RBFOX1: variants seen among roughly 807,000 people sequenced by gnomAD.
The protein encoded by RBFOX1 is RNA binding fox-1 homolog 1.
RBFOX1 carries 8 observed loss-of-function variants against 57.7 expected under a neutral mutation model. The observed-to-expected ratio is 0.14, with a 90% CI of 0.08 to 0.25. RBFOX1 has a LOEUF of 0.25. Among genes scored for constraint, RBFOX1 ranks in the 10% least tolerant of loss-of-function variants. The pLI is 1.00. For missense variants in RBFOX1, 611 were observed against 548.5 expected, an observed-to-expected ratio of 1.11 and a Z score of -1.14; for synonymous variants, 326 against 222.4, an observed-to-expected ratio of 1.47 and a Z score of -4.15.
chr16:6,512,844 T>C (rs749709779), intron 2 of RBFOX1, among the ~76,000 whole-genome samples: 1 of 152,164 alleles, frequency 6.6e-6, no homozygotes, highest in Non-Finnish European at 1.5e-5. Context: ...AATGATCCAA[T>C]GCTGGCCCAT....
intron 4 of RBFOX1, among the ~76,000 whole-genome samples, chr16:7,187,183 A>T (rs9926452): frequency 0.011 from 1,633 of 152,016 alleles, 20 homozygotes; most frequent in African/African-American, 0.035. Context: ...AATAAATAAA[A>T]AAATAAATAA....
chr16:6,382,809 G>T (rs1000796628), intron 2 of RBFOX1, among the ~76,000 whole-genome samples: 1 of 152,150 alleles, frequency 6.6e-6, no homozygotes, highest in Non-Finnish European at 1.5e-5. Context: ...GCAGTGAGCC[G>T]AGATCATGTC....
chr16:7,089,692 C>G (rs1170233839), intron 4 of RBFOX1, among the ~76,000 whole-genome samples: 1 of 152,066 alleles, frequency 6.6e-6, no homozygotes, highest in Non-Finnish European at 1.5e-5. Flanking sequence ...TGTCCCAGAC[C>G]CCCTTCCACA....
chr16:6,958,454 A>G (rs908756710), intron 3 of RBFOX1, among the ~76,000 whole-genome samples: 1 of 152,170 alleles, frequency 6.6e-6, no homozygotes, highest in African/African-American at 2.4e-5. Flanking sequence ...CCTTCTCGCA[A>G]TTCCTCGGGA....
intron 4 of RBFOX1, among the ~76,000 whole-genome samples, chr16:7,189,035 G>T (rs1471719216): frequency 6.6e-6 from 1 of 152,090 alleles, no homozygotes; most frequent in Non-Finnish European, 1.5e-5. Context: ...GCATTTGGAG[G>T]TGATACGGAG....
chr16:6,512,407 T>A (rs890967087), intron 2 of RBFOX1, among the ~76,000 whole-genome samples: 2 of 151,886 alleles, frequency 1.3e-5, no homozygotes, highest in Admixed American at 1.3e-4. Context: ...TCGGGTAGGA[T>A]AGGGAATGCG....
intron 1 of RBFOX1, among the ~76,000 whole-genome samples, chr16:6,247,176 G>T (rs937873395): frequency 2.0e-4 from 31 of 152,170 alleles, no homozygotes; most frequent in Admixed American, 2.0e-3. Flanking sequence ...ATTAAATTCA[G>T]TATGTGAAAT....
intron 13 of RBFOX1, 126 bp downstream of exon 13, chr16:7,665,094 C>T (rs1274567477): frequency 5.8e-5 from 92 of 1,580,174 alleles, no homozygotes; most frequent in Admixed American, 1.0e-4. Context: ...GAAATAATTC[C>T]GTGGTTTGTC....
Position 6,064,150 on chromosome 16 carries a change from G to T in RBFOX1, c.-127+44158G>T, listed in dbSNP as rs184141977. On this transcript the variant is annotated intron_variant, in intron 1 of 15. Coordinates refer to ENST00000550418, the MANE Select transcript of RBFOX1 (RefSeq NM_018723.4). ...ACTACTGAAGGTATTTCAGCTACAT[G>T]ATCATCTGTCTAGGATATTATAGAG... Among the ~76,000 whole-genome samples the T allele has an allele frequency of 4.6e-5, 7 of 152,202 alleles. No homozygotes were observed. The East Asian group carries it at 1.2e-3, about 25-fold the overall frequency.
intron 2 of RBFOX1, among the ~76,000 whole-genome samples, chr16:5,528,206 C>T (rs945304141): frequency 6.6e-5 from 10 of 152,192 alleles, no homozygotes; most frequent in African/African-American, 1.9e-4. Flanking sequence ...GCTTCCTTGA[C>T]GATGATCCAC....
At chr16:7,658,036 G>GA (rs536672830) in intron 12 of RBFOX1, among the ~76,000 whole-genome samples, 7 of 152,282 alleles carry the variant, frequency 4.6e-5, no homozygotes, top group African/African-American at 1.7e-4. Flanking sequence ...GAGAGTGGGG[G>GA]ATATATCTGC....
At chr16:7,040,911 T>A (rs2045935336) in intron 3 of RBFOX1, among the ~76,000 whole-genome samples, 1 of 82,304 alleles carries the variant, frequency 1.2e-5, no homozygotes, top group African/African-American at 7.9e-5. Context: ...TGTTTTTTTG[T>A]TTTTTTGTTT....
At chr16:5,252,311 T>G (rs994810321) in intron 1 of RBFOX1, among the ~76,000 whole-genome samples, 1 of 152,242 alleles carries the variant, frequency 6.6e-6, no homozygotes, top group African/African-American at 2.4e-5. Context: ...AACCTGAATT[T>G]CTCATTAACC....
intron 2 of RBFOX1, among the ~76,000 whole-genome samples, chr16:6,627,463 T>G (rs1162788558): frequency 1.3e-5 from 2 of 152,060 alleles, no homozygotes; most frequent in African/African-American, 4.8e-5. Context: ...TCTATGATGT[T>G]GATTGGGTGA....
chr16:6,327,455 A>G (rs2082505889), intron 2 of RBFOX1, among the ~76,000 whole-genome samples: 1 of 152,138 alleles, frequency 6.6e-6, no homozygotes, highest in African/African-American at 2.4e-5. Context: ...ATGACTTTGG[A>G]TATATTTTTC....
At chr16:5,628,358 T>C (rs1303894126) in intron 3 of RBFOX1, among the ~76,000 whole-genome samples, 1 of 152,192 alleles carries the variant, frequency 6.6e-6, no homozygotes, top group Non-Finnish European at 1.5e-5. Flanking sequence ...CTTCTTTTTA[T>C]TGGACCCTCT....
intron 2 of RBFOX1, among the ~76,000 whole-genome samples, chr16:6,471,590 A>C (rs1014097451): frequency 2.0e-5 from 3 of 152,098 alleles, no homozygotes; most frequent in African/African-American, 7.2e-5. Flanking sequence ...AAAAAAAAAA[A>C]AAAAACCTCT....
At chr16:6,397,511 C>G (rs989936460) in intron 2 of RBFOX1, among the ~76,000 whole-genome samples, 3 of 151,994 alleles carry the variant, frequency 2.0e-5, no homozygotes, top group African/African-American at 7.2e-5. Context: ...TGTTTTATTA[C>G]CATTAGTCCT....
At chr16:5,459,043 G>T (rs567502541) in intron 1 of RBFOX1, among the ~76,000 whole-genome samples, 1 of 152,262 alleles carries the variant, frequency 6.6e-6, no homozygotes, top group Non-Finnish European at 1.5e-5. Flanking sequence ...AAGAGCCAGG[G>T]CAGATGCTCC....
Sources: allele counts gnomAD v4.1 joint callset (sites outside exome capture counted in the v4.1 genomes callset), GRCh38; gene constraint gnomAD v4.1.1; transcripts MANE v1.5; gene names NCBI Gene and HGNC (gene_info 2026-07-23, HGNC 2026-07-21).